REV3L: variants seen among roughly 807,000 people sequenced by gnomAD.
The protein encoded by REV3L is DNA polymerase zeta catalytic subunit.
Under a neutral mutation model 299.4 loss-of-function variants are expected in REV3L, and 69 were observed. The observed-to-expected ratio is 0.23, with a 90% CI of 0.19 to 0.28. The LOEUF (loss-of-function observed/expected upper bound fraction) is 0.28, where lower values mean the gene tolerates loss of function less well. REV3L is among the 10% of genes least tolerant of loss of function. The pLI is 1.00. For synonymous variants in REV3L, 1,238 were observed against 1,271.4 expected (o/e 0.97, Z 0.56); for missense variants, 3,128 against 3,693.8 (o/e 0.85, Z 3.97).
intron 21 of REV3L, among the ~76,000 whole-genome samples, chr6:111,338,312 CTTTTTTTTTTTTTTTTTTT>C (rs144497761): frequency 0.024 from 1,139 of 47,916 alleles, 46 homozygotes; most frequent in East Asian, 0.1. Flanking sequence ...GTCTAAAGTC[CTTTTTTTTTTTTTTTTTTT>C]TTTTTTTTTT....
At chr6:111,352,493 A>C (rs1426074124) in intron 18 of REV3L, among the ~76,000 whole-genome samples, 2 of 152,066 alleles carry the variant, frequency 1.3e-5, no homozygotes, top group Non-Finnish European at 2.9e-5. Flanking sequence ...TATTTTGAAA[A>C]AGATCCCTAG....
intron 1 of REV3L, among the ~76,000 whole-genome samples, chr6:111,465,088 T>TG (rs1214389573): frequency 6.7e-6 from 1 of 149,626 alleles, no homozygotes; most frequent in Non-Finnish European, 1.5e-5. Flanking sequence ...TTTATTTGTT[T>TG]TTTTTTTTTT....
At chr6:111,416,222 T>G in intron 2 of REV3L, 61 bp downstream of exon 2, 1 of 1,164,500 alleles carries the variant, frequency 8.6e-7, no homozygotes, top group Middle Eastern at 2.5e-4. Context: ...CTGAGTATGT[T>G]TTCCTCTAAA....
At chr6:111,359,767 A>C (rs958566513) in intron 16 of REV3L, among the ~76,000 whole-genome samples, 6 of 152,188 alleles carry the variant, frequency 3.9e-5, no homozygotes, top group African/African-American at 1.4e-4. Flanking sequence ...ATTATACCTC[A>C]TCTTTTTATC....
At chr6:111,435,760 A>G (rs186804625) in intron 1 of REV3L, among the ~76,000 whole-genome samples, 1 of 152,262 alleles carries the variant, frequency 6.6e-6, no homozygotes, top group East Asian at 1.9e-4. Flanking sequence ...CTGTGCAAAG[A>G]TTTTTTTGGG....
At chr6:111,300,457 A>G (rs1426705098) in intron 31 of REV3L, among the ~76,000 whole-genome samples, 1 of 152,202 alleles carries the variant, frequency 6.6e-6, no homozygotes, top group African/African-American at 2.4e-5. Flanking sequence ...CCCAATTACC[A>G]AAGAATGTCT....
chr6:111,401,959 C>A (rs1027928125), intron 4 of REV3L, among the ~76,000 whole-genome samples: 2 of 151,620 alleles, frequency 1.3e-5, no homozygotes, highest in Admixed American at 6.6e-5. Flanking sequence ...AAAAAAAATA[C>A]CCAAATTAGC....
chr6:111,464,578 T>C (rs76656678), intron 1 of REV3L, among the ~76,000 whole-genome samples: 3 of 152,214 alleles, frequency 2.0e-5, no homozygotes, highest in Non-Finnish European at 4.4e-5. Context: ...GACAGACTTA[T>C]ATGCAGTCTA....
intron 31 of REV3L, among the ~76,000 whole-genome samples, chr6:111,302,382 A>G (rs1220588827): frequency 1.3e-5 from 2 of 152,230 alleles, no homozygotes; most frequent in East Asian, 3.8e-4. Context: ...TGTCTGATAA[A>G]TAAGCCAGGA....
chr6:111,310,243 G>A (rs1772825118), intron 29 of REV3L, 144 bp from the exon 30 acceptor site: 2 of 1,066,220 alleles, frequency 1.9e-6, no homozygotes, highest in Middle Eastern at 3.1e-4. Context: ...ATTTCTTTGA[G>A]AATAATATAT....
At chr6:111,472,123 C>T (rs1208969232) in intron 1 of REV3L, 1 of 1,275,968 alleles carries the variant, frequency 7.8e-7, no homozygotes, top group South Asian at 1.3e-5. Flanking sequence ...TTTTATGTGG[C>T]TTGTCTTGGG....
chr6:111,378,837 T>C (rs1476689742), intron 11 of REV3L, among the ~76,000 whole-genome samples: 1 of 152,166 alleles, frequency 6.6e-6, no homozygotes, highest in Non-Finnish European at 1.5e-5. Flanking sequence ...AGATCAAACA[T>C]TCTCCATTCA....
At chr6:111,411,355 G>A in intron 3 of REV3L, 125 bp downstream of exon 3, 2 of 653,924 alleles carry the variant, frequency 3.1e-6, no homozygotes, top group Non-Finnish European at 5.3e-6. Context: ...ACACGTACAT[G>A]TGTATTTTAC....
chr6:111,471,451 T>C (rs1792194935), intron 1 of REV3L, among the ~76,000 whole-genome samples: 1 of 152,236 alleles, frequency 6.6e-6, no homozygotes, highest in South Asian at 2.1e-4. Flanking sequence ...ATGTGAGGAA[T>C]ACCTGCTACA....
intron 3 of REV3L, among the ~76,000 whole-genome samples, 194 bp downstream of exon 3, chr6:111,411,286 T>C (rs1328221621): frequency 6.6e-6 from 1 of 152,188 alleles, no homozygotes. Context: ...AAGAAGCAGT[T>C]GGGAGCCTCC....
rs547113827 is a variant in REV3L at position 111,421,530 on chromosome 6, G to A, written c.140-5058C>T. 3.3e-5 allele frequency among the ~76,000 whole-genome samples: 5 copies of A among 152,224 alleles called. No individual in the cohort carries two copies. In the South Asian group the frequency reaches 6.2e-4, roughly 19 times the overall value. On this transcript the variant is annotated intron_variant, in intron 1 of 31. Transcript: ENST00000368802. ...CATTTACAAAAACACGCAACATGAG[G>A]GATTTGGCCCATGGATAGTAGTTTG...
intron 4 of REV3L, 191 bp downstream of exon 4, chr6:111,405,279 C>CA: frequency 3.1e-5 from 13 of 414,030 alleles, no homozygotes; most frequent in East Asian, 8.3e-5. Context: ...AAGCTGTTAC[C>CA]AAAAAAAATT....
At chr6:111,341,885 T>C (rs1392179509) in intron 21 of REV3L, among the ~76,000 whole-genome samples, 1 of 152,000 alleles carries the variant, frequency 6.6e-6, no homozygotes, top group African/African-American at 2.4e-5. Flanking sequence ...TGGGCAGAAA[T>C]GGTCAGATAG....
In REV3L at chr6:111,358,812, T is replaced by C; in HGVS notation, c.7072+10A>G. The C allele has an allele frequency of 1.9e-6, 3 of 1,592,914 alleles. No homozygotes were observed. The highest frequency in any genetic ancestry group is 2.6e-6 in the Non-Finnish European group (3 of 1,164,984). ...TGGGCAGGTATATCATTAATAAAAA[T>C]GGACAATACCTTGACTGAAAACTGT... On this transcript the variant is annotated intron_variant, in intron 17 of 31. Coordinates refer to ENST00000368802, the MANE Select transcript of REV3L (RefSeq NM_001372078.1).
Sources: allele counts gnomAD v4.1 joint callset (sites outside exome capture counted in the v4.1 genomes callset), GRCh38; gene constraint gnomAD v4.1.1; transcripts MANE v1.5; gene names NCBI Gene and HGNC (gene_info 2026-07-23, HGNC 2026-07-21).